B4GALT1: variants seen among roughly 807,000 people sequenced by gnomAD.
B4GALT1 encodes beta-1,4-galactosyltransferase 1.
B4GALT1 carries 16 observed loss-of-function variants against 34.9 expected under a neutral mutation model. The ratio of observed to expected loss-of-function variants is 0.46; its 90% CI spans 0.31 to 0.70. The LOEUF (loss-of-function observed/expected upper bound fraction) is 0.70. Ranked by LOEUF, B4GALT1 falls within the 30% of genes least tolerant of loss-of-function variation. The probability of loss-of-function intolerance (pLI) is 0.05; values close to 1 mark genes in which losing one functional copy is unlikely to be tolerated. For missense variants in B4GALT1, 445 were observed against 530.5 expected, an observed-to-expected ratio of 0.84 and a Z score of 1.58; for synonymous variants, 221 against 218.1, an observed-to-expected ratio of 1.01 and a Z score of -0.12.
At chr9:33,117,153 C>T (rs936865411) in intron 3 of B4GALT1, among the ~76,000 whole-genome samples, 4 of 152,174 alleles carry the variant, frequency 2.6e-5, no homozygotes, top group Non-Finnish European at 4.4e-5. Context: ...CACAGCCCCC[C>T]TTCCACACCC....
chr9:33,105,702 G>A (rs10971409), downstream of B4GALT1, among the ~76,000 whole-genome samples: 12,051 of 151,806 alleles, frequency 0.079, 675 homozygotes, highest in African/African-American at 0.15. Flanking sequence ...TAGCTGACTC[G>A]TCTAAGTGCA....
chr9:33,147,557 T>C (rs1043492235), intron 1 of B4GALT1, among the ~76,000 whole-genome samples: 3 of 152,112 alleles, frequency 2.0e-5, no homozygotes, highest in Non-Finnish European at 2.9e-5. Flanking sequence ...AAGTCATTCT[T>C]GATAGAGAGA....
At chr9:33,126,665 A>AGTTAACCATTTTTAACAT (rs1405751053) in intron 2 of B4GALT1, among the ~76,000 whole-genome samples, 1 of 31,098 alleles carries the variant, frequency 3.2e-5, no homozygotes, top group African/African-American at 7.0e-5. Context: ...CCATAGCAAT[A>AGTTAACCATTTTTAACAT]TGGTAGCTCA....
downstream of B4GALT1, among the ~76,000 whole-genome samples, chr9:33,107,037 A>C (rs2117971261): frequency 6.6e-6 from 1 of 152,240 alleles, no homozygotes; most frequent in South Asian, 2.1e-4. Context: ...ATCTCGCTGC[A>C]GGGCAAATGT....
At chr9:33,145,291 C>T (rs1440407587) in intron 1 of B4GALT1, among the ~76,000 whole-genome samples, 1 of 152,174 alleles carries the variant, frequency 6.6e-6, no homozygotes, top group Non-Finnish European at 1.5e-5. Flanking sequence ...GGCCTAACCT[C>T]CTAATAAAAA....
chr9:33,113,132 G>A lies in B4GALT1; in HGVS notation c.*322C>T. The A allele has an allele frequency of 2.9e-6, 1 of 343,522 alleles. No individual in the cohort carries two copies. The highest frequency in any genetic ancestry group is 3.7e-5 in the South Asian group (1 of 26,764). The allele number at this position is 343,522 out of a possible 1,614,324, so 21.3% of individuals were successfully genotyped here. Reference sequence around the variant, plus strand: ...TTCTAACCTATTTCACGACAATTTAGCAATTCTATCACCGGGAATGTGTTC... The same window carrying A: ...TTCTAACCTATTTCACGACAATTTAACAATTCTATCACCGGGAATGTGTTC... On this transcript the variant is annotated 3_prime_UTR_variant, in exon 6 of 6. Transcript: ENST00000379731.
At chr9:33,122,876 G>A (rs1840041434) in intron 2 of B4GALT1, among the ~76,000 whole-genome samples, 1 of 152,152 alleles carries the variant, frequency 6.6e-6, no homozygotes, top group Admixed American at 6.5e-5. Context: ...TGGGCGTGGT[G>A]GCTCACACCT....
rs562884721 is a variant in B4GALT1 at position 33,156,122 on chromosome 9, T to G, written c.412+10636A>C. Among the ~76,000 whole-genome samples, 12 of 144,172 alleles carry G rather than the reference T, an allele frequency of 8.3e-5. No individual in the cohort carries two copies. In the South Asian group the frequency reaches 2.0e-3, roughly 24 times the overall value. The allele number at this position is 144,172 out of a possible 152,430, so 94.6% of individuals were successfully genotyped here. Reference sequence around the variant, plus strand: ...TGCCCCATCTGCTGGATCTGTAAACTTTTTTTTTTTTCGGGGGGCGGGGGA... The same window carrying G: ...TGCCCCATCTGCTGGATCTGTAAACGTTTTTTTTTTTCGGGGGGCGGGGGA... On this transcript the variant is annotated intron_variant, in intron 1 of 5. Transcript: ENST00000379731.
intron 1 of B4GALT1, among the ~76,000 whole-genome samples, chr9:33,150,973 AGAAGGAAG>A (rs3837267): frequency 6.6e-6 from 1 of 151,656 alleles, no homozygotes; most frequent in Non-Finnish European, 1.5e-5. Flanking sequence ...CTGGATGGAA[AGAAGGAAG>A]GAAGGAAGGA....
chr9:33,171,374 T>C (rs1840838863), upstream of B4GALT1, among the ~76,000 whole-genome samples: 1 of 152,188 alleles, frequency 6.6e-6, no homozygotes, highest in Non-Finnish European at 1.5e-5. Flanking sequence ...GGACTCTCCA[T>C]GTGGCTGCTT....
At chr9:33,165,231 G>C (rs1420944474) in intron 1 of B4GALT1, among the ~76,000 whole-genome samples, 1 of 151,088 alleles carries the variant, frequency 6.6e-6, no homozygotes, top group Non-Finnish European at 1.5e-5. Context: ...GCCTCCCAAA[G>C]TGCTAGGATT....
chr9:33,138,299 G>A (rs1268674822), intron 1 of B4GALT1, among the ~76,000 whole-genome samples: 3 of 152,176 alleles, frequency 2.0e-5, no homozygotes, highest in Non-Finnish European at 4.4e-5. Flanking sequence ...TCCTGAGAGT[G>A]GATAGTACAG....
chr9:33,175,826 A>G, the B4GALT1 span, among the ~76,000 whole-genome samples: 1 of 152,218 alleles, frequency 6.6e-6, no homozygotes, highest in African/African-American at 2.4e-5. Flanking sequence ...GCACAATAAC[A>G]AAATTGACTA....
intron 1 of B4GALT1, among the ~76,000 whole-genome samples, chr9:33,139,622 C>T (rs1256677559): frequency 6.6e-6 from 1 of 152,244 alleles, no homozygotes; most frequent in Non-Finnish European, 1.5e-5. Context: ...AGGGACCATG[C>T]TCTGCTACAC....
intron 1 of B4GALT1, among the ~76,000 whole-genome samples, chr9:33,151,756 T>C (rs1177277070): frequency 6.6e-6 from 1 of 152,246 alleles, no homozygotes; most frequent in African/African-American, 2.4e-5. Flanking sequence ...TTTCTACTCT[T>C]AGCCACTAGA....
chr9:33,136,860 GC>G (rs1432743254), intron 1 of B4GALT1, among the ~76,000 whole-genome samples: 1 of 152,140 alleles, frequency 6.6e-6, no homozygotes, highest in African/African-American at 2.4e-5. Context: ...GCTTCAGCCT[GC>G]CCTGTTTATC....
chr9:33,151,557 A>C (rs1840517748), intron 1 of B4GALT1, among the ~76,000 whole-genome samples: 1 of 152,184 alleles, frequency 6.6e-6, no homozygotes. Context: ...TTCCTTCTCT[A>C]AGGAGTGGGG....
upstream of B4GALT1, among the ~76,000 whole-genome samples, chr9:33,167,583 C>A (rs533049939): frequency 1.3e-5 from 2 of 152,356 alleles, no homozygotes; most frequent in African/African-American, 4.8e-5. Flanking sequence ...CGAGCCTTTG[C>A]GGCGGAGCTT....
intron 4 of B4GALT1, among the ~76,000 whole-genome samples, chr9:33,114,349 C>T (rs2118019502): frequency 1.3e-5 from 2 of 152,264 alleles, no homozygotes; most frequent in Middle Eastern, 3.4e-3. Context: ...GAAGTGAGAG[C>T]AAGCCTAGTG....
Sources: allele counts gnomAD v4.1 joint callset (sites outside exome capture counted in the v4.1 genomes callset), GRCh38; gene constraint gnomAD v4.1.1; transcripts MANE v1.5; gene names NCBI Gene and HGNC (gene_info 2026-07-23, HGNC 2026-07-21).